DOCK4: variants seen among roughly 807,000 people sequenced by gnomAD.
DOCK4 encodes dedicator of cytokinesis protein 4.
DOCK4 carries 97 observed loss-of-function variants against 268.1 expected under a neutral mutation model. The ratio of observed to expected loss-of-function variants is 0.36; its 90% CI spans 0.31 to 0.43. The LOEUF (loss-of-function observed/expected upper bound fraction) is 0.43. Among genes scored for constraint, DOCK4 ranks in the 20% least tolerant of loss-of-function variants. DOCK4 has a pLI of 1.00. For missense variants in DOCK4, 2,145 were observed against 2,455.7 expected (o/e 0.87, Z 2.67); for synonymous variants, 954 against 887.2 (o/e 1.08, Z -1.34).
chr7:111,997,437 T>TA (rs1800059563), intron 4 of DOCK4, among the ~76,000 whole-genome samples: 1 of 152,236 alleles, frequency 6.6e-6, no homozygotes, highest in South Asian at 2.1e-4. Flanking sequence ...TGAGATTCTT[T>TA]AAGTTTTACC....
chr7:111,827,678 G>T (rs1487691462), intron 26 of DOCK4, among the ~76,000 whole-genome samples: 2 of 152,092 alleles, frequency 1.3e-5, no homozygotes, highest in Non-Finnish European at 2.9e-5. Flanking sequence ...TGATTCAGAG[G>T]AATTAAAAAT....
intron 1 of DOCK4, among the ~76,000 whole-genome samples, chr7:112,101,790 A>G (rs1810703118): frequency 6.6e-6 from 1 of 151,008 alleles, no homozygotes; most frequent in Non-Finnish European, 1.5e-5. Flanking sequence ...CTCGGCCCTT[A>G]TCCTCCACCC....
At chr7:111,987,757 G>T (rs915400667) in intron 6 of DOCK4, among the ~76,000 whole-genome samples, 1 of 152,204 alleles carries the variant, frequency 6.6e-6, no homozygotes, top group Non-Finnish European at 1.5e-5. Flanking sequence ...TAAGGAATTT[G>T]CTTCAGGTCC....
intron 42 of DOCK4, among the ~76,000 whole-genome samples, chr7:111,754,400 C>T (rs961334583): frequency 1.3e-5 from 2 of 152,172 alleles, no homozygotes; most frequent in Non-Finnish European, 2.9e-5. Flanking sequence ...ACAATTTGGT[C>T]AGGAGCTGTT....
intron 52 of DOCK4, among the ~76,000 whole-genome samples, chr7:111,729,145 A>C (rs1794886240): frequency 6.6e-6 from 1 of 152,230 alleles, no homozygotes; most frequent in Non-Finnish European, 1.5e-5. Flanking sequence ...GAATACACTC[A>C]CACTCAAATT....
chr7:111,785,380 C>G (rs1184513762), intron 32 of DOCK4, among the ~76,000 whole-genome samples: 1 of 152,144 alleles, frequency 6.6e-6, no homozygotes, highest in African/African-American at 2.4e-5. Flanking sequence ...CCCGTGACAG[C>G]CTACACCTCA....
intron 16 of DOCK4, among the ~76,000 whole-genome samples, chr7:111,888,040 ATC>A (rs976941118): frequency 5.3e-5 from 8 of 151,982 alleles, no homozygotes; most frequent in Non-Finnish European, 2.9e-5. Flanking sequence ...GTCTGATGGC[ATC>A]TGTTTTCTCT....
chr7:111,923,252 T>A (rs1793310722), intron 12 of DOCK4, among the ~76,000 whole-genome samples: 1 of 152,212 alleles, frequency 6.6e-6, no homozygotes, highest in African/African-American at 2.4e-5. Flanking sequence ...GTAAGGGACT[T>A]CAGCATTTGC....
At chr7:112,025,454 C>A (rs1210263006) in intron 1 of DOCK4, among the ~76,000 whole-genome samples, 2 of 152,168 alleles carry the variant, frequency 1.3e-5, no homozygotes, top group Non-Finnish European at 2.9e-5. Context: ...CCCTTCTGGT[C>A]TTAGTTTAAA....
At chr7:111,729,106 G>T (rs537145305) in intron 52 of DOCK4, among the ~76,000 whole-genome samples, 1 of 152,246 alleles carries the variant, frequency 6.6e-6, no homozygotes, top group Non-Finnish European at 1.5e-5. Context: ...CCCAGTTTGT[G>T]GTATTTTGTG....
At chr7:111,792,111 G>C (rs972978064) in intron 30 of DOCK4, among the ~76,000 whole-genome samples, 2 of 152,232 alleles carry the variant, frequency 1.3e-5, no homozygotes, top group African/African-American at 4.8e-5. Flanking sequence ...TTATGCTGGT[G>C]AGTGTTAAGT....
intron 1 of DOCK4, among the ~76,000 whole-genome samples, chr7:112,090,717 G>A (rs1442475559): frequency 6.6e-6 from 1 of 152,172 alleles, no homozygotes; most frequent in Non-Finnish European, 1.5e-5. Context: ...TTCTGGGTAA[G>A]CTATAAACAT....
chr7:112,044,800 T>C (rs1804688049), intron 1 of DOCK4, among the ~76,000 whole-genome samples: 1 of 152,096 alleles, frequency 6.6e-6, no homozygotes, highest in Non-Finnish European at 1.5e-5. Context: ...TTCTTTAACA[T>C]AAATCCTGAG....
chr7:112,178,712 G>A (rs1818734710), intron 1 of DOCK4, among the ~76,000 whole-genome samples: 1 of 152,164 alleles, frequency 6.6e-6, no homozygotes, highest in South Asian at 2.1e-4. Flanking sequence ...GAAATGACTG[G>A]TTTTGCACAC....
chr7:111,838,633 T>TA (rs1803428583), intron 25 of DOCK4, among the ~76,000 whole-genome samples: 1 of 152,086 alleles, frequency 6.6e-6, no homozygotes, highest in Non-Finnish European at 1.5e-5. Context: ...TATCAAATTC[T>TA]AAAAAATGTA....
chr7:111,857,458 C>A (rs536909227), intron 23 of DOCK4, among the ~76,000 whole-genome samples: 3 of 152,298 alleles, frequency 2.0e-5, no homozygotes, highest in Non-Finnish European at 4.4e-5. Context: ...GTCGTACCAG[C>A]AAGCTTCTCA....
At chr7:111,846,851 C>T in intron 24 of DOCK4, 148 bp downstream of exon 24, 2 of 945,398 alleles carry the variant, frequency 2.1e-6, no homozygotes, top group Non-Finnish European at 2.9e-6. Context: ...AAATTCCTTC[C>T]AAAGAGAAGC....
intron 1 of DOCK4, among the ~76,000 whole-genome samples, chr7:112,187,425 G>A (rs1366754925): frequency 6.6e-6 from 1 of 152,096 alleles, no homozygotes; most frequent in Non-Finnish European, 1.5e-5. Context: ...CTCTTATGAT[G>A]TTTTTCTTCT....
At chr7:111,960,534 T>A (rs1344278385) in intron 8 of DOCK4, among the ~76,000 whole-genome samples, 1 of 145,756 alleles carries the variant, frequency 6.9e-6, no homozygotes, top group South Asian at 2.2e-4. Context: ...TTTTTTTTTT[T>A]TTTTTTTTTT....
Sources: allele counts gnomAD v4.1 joint callset (sites outside exome capture counted in the v4.1 genomes callset), GRCh38; gene constraint gnomAD v4.1.1; transcripts MANE v1.5; gene names NCBI Gene and HGNC (gene_info 2026-07-23, HGNC 2026-07-21).